The following NEDD4 variants were observed in gnomAD, a reference collection of about 807,000 sequenced individuals.
NEDD4 encodes the protein NEDD4 E3 ubiquitin protein ligase.
NEDD4 carries 99 observed loss-of-function variants against 144.9 expected under a neutral mutation model. That is an observed-to-expected ratio of 0.68 (90% CI 0.58 to 0.81). NEDD4 has a LOEUF of 0.81. NEDD4 is among the 30% of genes least tolerant of loss of function. NEDD4 has a pLI of 0.00. For missense variants in NEDD4, 985 were observed against 1,065.9 expected, an observed-to-expected ratio of 0.92 and a Z score of 1.06; for synonymous variants, 318 against 350.6, an observed-to-expected ratio of 0.91 and a Z score of 1.04.
At chr15:55,958,157 A>C (rs889832450) in intron 2 of NEDD4, among the ~76,000 whole-genome samples, 6 of 152,230 alleles carry the variant, frequency 3.9e-5, no homozygotes, top group Non-Finnish European at 8.8e-5. Context: ...CTATTAATAC[A>C]GTGTATTACA....
At chr15:55,982,799 A>G (rs1396893853) in intron 1 of NEDD4, among the ~76,000 whole-genome samples, 1 of 152,166 alleles carries the variant, frequency 6.6e-6, no homozygotes, top group Non-Finnish European at 1.5e-5. Flanking sequence ...AAAAACTGAG[A>G]AAGTTCAATT....
chr15:55,893,951 T>A (rs552728392), intron 5 of NEDD4, among the ~76,000 whole-genome samples: 42 of 152,102 alleles, frequency 2.8e-4, no homozygotes, highest in Non-Finnish European at 5.4e-4. Context: ...CTTTATACTA[T>A]AATGGGCTTA....
chr15:55,955,195 TG>T (rs2037316359), intron 2 of NEDD4, among the ~76,000 whole-genome samples: 1 of 152,120 alleles, frequency 6.6e-6, no homozygotes, highest in East Asian at 2.0e-4. Context: ...CTAATTGTTG[TG>T]TTTTTTTGTA....
rs2034462986 is a variant in NEDD4 at position 55,863,025 on chromosome 15, G to C, written c.562C>G (p.Gln188Glu). The C allele has an allele frequency of 6.2e-7, 1 of 1,604,540 alleles. No individual in the cohort carries two copies. The highest frequency in any genetic ancestry group is 8.5e-7 in the Non-Finnish European group (1 of 1,173,740). The change falls in exon 9 of 29, where the codon CAA becomes GAA. Residue 188 changes from glutamine (Q) to glutamate (E), a missense_variant. By Grantham distance (29) the Gln-to-Glu change is conservative. Transcript: ENST00000435532. Reference protein sequence around the residue: ...PDAACHLQQQQEPSPLPPGWE... With the variant: ...PDAACHLQQQEEPSPLPPGWE... Reference sequence around the variant, plus strand: ...CCTGGAGGTAGAGGAGAAGGTTCTTGTTGTTGCTGCAAATGGCAAGCAGCA... The same window carrying C: ...CCTGGAGGTAGAGGAGAAGGTTCTTCTTGTTGCTGCAAATGGCAAGCAGCA...
At chr15:55,941,334 A>G (rs1333919288) in intron 4 of NEDD4, among the ~76,000 whole-genome samples, 1 of 152,158 alleles carries the variant, frequency 6.6e-6, no homozygotes, top group African/African-American at 2.4e-5. Flanking sequence ...CAAGTATTTA[A>G]AGGTATAAAT....
intron 8 of NEDD4, among the ~76,000 whole-genome samples, chr15:55,863,699 G>C (rs954669184): frequency 6.6e-6 from 1 of 152,140 alleles, no homozygotes; most frequent in Non-Finnish European, 1.5e-5. Context: ...GTAATCTTAG[G>C]CTGTTCTCTA....
At chr15:55,833,495 T>C (rs2033054283) in intron 26 of NEDD4, among the ~76,000 whole-genome samples, 1 of 151,802 alleles carries the variant, frequency 6.6e-6, no homozygotes, top group Non-Finnish European at 1.5e-5. Context: ...CCGTCTCTAC[T>C]AAAAATACAA....
rs866683179 is a variant in NEDD4 at position 55,881,149 on chromosome 15, T to C, written c.292-7141A>G. 2.8e-4 allele frequency among the ~76,000 whole-genome samples: 43 copies of C among 151,650 alleles called. 4 individuals are homozygous for C. The highest frequency in any genetic ancestry group is 8.4e-4 in the African/African-American group (35 of 41,454). On this transcript the variant is annotated intron_variant, in intron 5 of 28. Transcript: ENST00000435532. ...AGTAAGTTTCTTTTCTTTTCTTTTT[T>C]TTTTTTTTTGAGATGCAGTTTTACT...
chr15:55,974,861 C>CA (rs2037671917), intron 1 of NEDD4, among the ~76,000 whole-genome samples: 1 of 133,248 alleles, frequency 7.5e-6, no homozygotes, highest in Non-Finnish European at 1.6e-5. Context: ...TGATCTGGAA[C>CA]AAGATAAGGA....
intron 2 of NEDD4, chr15:55,952,572 A>G (rs35086304): frequency 0.069 from 10,483 of 152,136 alleles, 477 homozygotes; most frequent in Non-Finnish European, 0.1. Context: ...ATTTCCTCAT[A>G]CCACGTTACC....
At chr15:55,841,119 A>C (rs1225984187) in intron 19 of NEDD4, among the ~76,000 whole-genome samples, 2 of 152,178 alleles carry the variant, frequency 1.3e-5, no homozygotes, top group African/African-American at 4.8e-5. Context: ...TTTTTAGTAG[A>C]GACAGGGTTT....
At chr15:55,868,702 A>C (rs1192377593) in intron 8 of NEDD4, among the ~76,000 whole-genome samples, 1 of 152,180 alleles carries the variant, frequency 6.6e-6, no homozygotes, top group Non-Finnish European at 1.5e-5. Flanking sequence ...CCAGTCTCTG[A>C]TATTTCTTCA....
intron 1 of NEDD4, among the ~76,000 whole-genome samples, chr15:55,973,965 A>G (rs1447710410): frequency 6.6e-6 from 1 of 152,034 alleles, no homozygotes; most frequent in Non-Finnish European, 1.5e-5. Context: ...AACAGAATAT[A>G]ATACAAAGAA....
At chr15:55,907,878 AC>A (rs1196929606) in intron 5 of NEDD4, among the ~76,000 whole-genome samples, 2 of 152,326 alleles carry the variant, frequency 1.3e-5, no homozygotes, top group East Asian at 3.9e-4. Context: ...CTATCCAGAC[AC>A]CCAGTTATAC....
intron 5 of NEDD4, among the ~76,000 whole-genome samples, chr15:55,902,642 G>A (rs1595820180): frequency 6.6e-6 from 1 of 152,242 alleles, no homozygotes; most frequent in South Asian, 2.1e-4. Context: ...CTAACGAAAA[G>A]TTTTAAAATA....
intron 5 of NEDD4, chr15:55,916,393 A>C (rs770605800): frequency 1.2e-6 from 2 of 1,613,964 alleles, no homozygotes; most frequent in Non-Finnish European, 1.7e-6. Context: ...CTACCACTAC[A>C]AATGGCTGGA....
At chr15:55,873,442 A>G (rs1912408) in intron 6 of NEDD4, among the ~76,000 whole-genome samples, 139,913 of 152,268 alleles carry the variant, frequency 0.92, 64,392 homozygotes, top group East Asian at 0.96. Flanking sequence ...ACTTTTCTAC[A>G]AGAGACGCCA....
At chr15:55,971,603 C>G (rs944216728) in intron 1 of NEDD4, among the ~76,000 whole-genome samples, 3 of 138,678 alleles carry the variant, frequency 2.2e-5, no homozygotes, top group East Asian at 2.3e-4. Context: ...CCAGCCTGGG[C>G]AACACGGTGA....
At chr15:55,876,372 C>CT (rs2034993701) in intron 5 of NEDD4, among the ~76,000 whole-genome samples, 1 of 149,662 alleles carries the variant, frequency 6.7e-6, no homozygotes, top group African/African-American at 2.5e-5. Flanking sequence ...TTTAAGGTAC[C>CT]TTCTCAATCT....
Sources: gnomAD v4.1 joint callset for allele counts (sites outside exome capture counted in the v4.1 genomes callset) on GRCh38, gnomAD v4.1.1 for gene constraint, MANE v1.5 for transcripts, NCBI Gene and HGNC (gene_info 2026-07-23, HGNC 2026-07-21) for gene names.